Variants in ZNF469 observed in about 807,000 individuals in gnomAD.
ZNF469 encodes zinc finger protein 469.
Under a neutral mutation model 1.0 loss-of-function variants are expected in ZNF469, and 1 was observed. That is an observed-to-expected ratio of 1.00 (90% CI 0.35 to 4.73). The LOEUF (loss-of-function observed/expected upper bound fraction) is 4.73. ZNF469 is among the 30% of genes most tolerant of loss of function. ZNF469 has a pLI of 0.16. For missense variants in ZNF469, 6,100 were observed against 5,356.3 expected, an observed-to-expected ratio of 1.14 and a Z score of -4.33; for synonymous variants, 2,703 against 2,363.4, an observed-to-expected ratio of 1.14 and a Z score of -4.17.
chr16:88,226,473 G>A, the ZNF469 span, among the ~76,000 whole-genome samples: 8 of 152,092 alleles, frequency 5.3e-5, no homozygotes, highest in Admixed American at 2.6e-4. Flanking sequence ...CCTTCCCAGC[G>A]CCTCCAGAAG....
the ZNF469 span, among the ~76,000 whole-genome samples, chr16:88,121,087 C>T: frequency 7.0e-6 from 1 of 143,684 alleles, no homozygotes; most frequent in Non-Finnish European, 1.5e-5. Flanking sequence ...GCATGAGGCA[C>T]CTGCTGTGTA....
chr16:88,380,764 G>A (rs376931586), upstream of ZNF469, among the ~76,000 whole-genome samples: 3,036 of 92,710 alleles, frequency 0.033, 127 homozygotes, highest in African/African-American at 0.12. Flanking sequence ...ACTCACAGAC[G>A]TCCTCACACA....
At chr16:88,273,586 G>A in the ZNF469 span, among the ~76,000 whole-genome samples, 4 of 152,180 alleles carry the variant, frequency 2.6e-5, no homozygotes, top group Admixed American at 2.0e-4. Context: ...TGTGGAAGAC[G>A]GTATGGAAGT....
chr16:88,222,023 T>C, the ZNF469 span, among the ~76,000 whole-genome samples: 4 of 152,090 alleles, frequency 2.6e-5, no homozygotes, highest in Non-Finnish European at 5.9e-5. Context: ...GGCTTATTTT[T>C]TGGGGCTGCC....
At chr16:88,253,465 T>C in the ZNF469 span, among the ~76,000 whole-genome samples, 1 of 151,298 alleles carries the variant, frequency 6.6e-6, no homozygotes, top group Admixed American at 6.6e-5. Flanking sequence ...GACCCCCTTT[T>C]ACTGAGCTTA....
At chr16:88,337,745 G>A in the ZNF469 span, among the ~76,000 whole-genome samples, 2 of 152,210 alleles carry the variant, frequency 1.3e-5, no homozygotes, top group Admixed American at 6.5e-5. Context: ...TGTGACGCAC[G>A]TTTCCCTGGT....
At chr16:88,426,031 G>A (rs1305316345) in intron 2 of ZNF469, among the ~76,000 whole-genome samples, 1 of 152,242 alleles carries the variant, frequency 6.6e-6, no homozygotes. Flanking sequence ...CAGAGGGCCT[G>A]CCAGCCTCTG....
the ZNF469 span, among the ~76,000 whole-genome samples, chr16:88,119,544 C>T: frequency 1.3e-5 from 2 of 152,260 alleles, no homozygotes; most frequent in Non-Finnish European, 2.9e-5. Context: ...TGCCTCGCTC[C>T]ACATGCACTG....
At chr16:88,299,283 C>A in the ZNF469 span, among the ~76,000 whole-genome samples, 5 of 138,636 alleles carry the variant, frequency 3.6e-5, no homozygotes, top group African/African-American at 1.4e-4. Flanking sequence ...TTGCAGCAGG[C>A]GAGGGCTTCC....
chr16:88,103,640 C>A, the ZNF469 span, among the ~76,000 whole-genome samples: 1 of 152,148 alleles, frequency 6.6e-6, no homozygotes, highest in South Asian at 2.1e-4. Flanking sequence ...TCTCACCCCA[C>A]GGGAGCCCTG....
chr16:88,353,628 G>A, the ZNF469 span, among the ~76,000 whole-genome samples: 7 of 152,346 alleles, frequency 4.6e-5, no homozygotes, highest in South Asian at 2.1e-4. Flanking sequence ...GCATGCGCGC[G>A]TGTCGTGGTG....
chr16:88,410,535 G>A (rs1243565880), intron 1 of ZNF469, among the ~76,000 whole-genome samples: 1 of 151,112 alleles, frequency 6.6e-6, no homozygotes, highest in African/African-American at 2.4e-5. Context: ...AGTTCACGGT[G>A]CAGGTCACAC....
chr16:88,367,030 C>G, the ZNF469 span, among the ~76,000 whole-genome samples: 1 of 152,314 alleles, frequency 6.6e-6, no homozygotes, highest in East Asian at 1.9e-4. Context: ...CCACCAACAT[C>G]ATCACCATTG....
At chr16:88,108,798 C>T in the ZNF469 span, among the ~76,000 whole-genome samples, 1 of 152,232 alleles carries the variant, frequency 6.6e-6, no homozygotes, top group Non-Finnish European at 1.5e-5. Flanking sequence ...TCCCCAAGAC[C>T]TCCTGCTCCA....
the ZNF469 span, among the ~76,000 whole-genome samples, chr16:88,213,343 C>G: frequency 2.0e-5 from 3 of 152,298 alleles, no homozygotes; most frequent in East Asian, 5.8e-4. Context: ...TCGTAATCCG[C>G]TCGCCTCGGC....
At chr16:88,255,278 T>G in the ZNF469 span, among the ~76,000 whole-genome samples, 5 of 152,168 alleles carry the variant, frequency 3.3e-5, no homozygotes, top group Admixed American at 2.6e-4. Flanking sequence ...GCCCAAACAC[T>G]TAGAATATAG....
At chr16:88,125,170 A>C in the ZNF469 span, among the ~76,000 whole-genome samples, 71 of 152,308 alleles carry the variant, frequency 4.7e-4, no homozygotes, top group South Asian at 0.014. Context: ...CACTTTGTTG[A>C]AAATTGACCA....
the ZNF469 span, among the ~76,000 whole-genome samples, chr16:88,111,740 G>C: frequency 6.6e-6 from 1 of 152,100 alleles, no homozygotes; most frequent in Non-Finnish European, 1.5e-5. Flanking sequence ...GGGTTCAAGC[G>C]ATCCTCCTGC....
intron 1 of ZNF469, among the ~76,000 whole-genome samples, chr16:88,417,881 C>T (rs978071174): frequency 6.6e-6 from 1 of 152,222 alleles, no homozygotes; most frequent in Non-Finnish European, 1.5e-5. Flanking sequence ...TGGATGTATG[C>T]ACGTATGAGC....
Sources: gnomAD v4.1 joint callset for allele counts (sites outside exome capture counted in the v4.1 genomes callset) on GRCh38, gnomAD v4.1.1 for gene constraint, MANE v1.5 for transcripts, NCBI Gene and HGNC (gene_info 2026-07-23, HGNC 2026-07-21) for gene names.